Variants in PSD3 observed in about 807,000 individuals in gnomAD.
The protein encoded by PSD3 is PH and SEC7 domain-containing protein 3.
In PSD3, 49 loss-of-function variants were observed where a neutral mutation model predicts 105.5. The ratio of observed to expected loss-of-function variants is 0.46; its 90% CI spans 0.37 to 0.59. The LOEUF is 0.59. Among genes scored for constraint, PSD3 ranks in the 20% least tolerant of loss-of-function variants. PSD3 has a pLI of 0.00. For synonymous variants in PSD3, 557 were observed against 457.8 expected (o/e 1.22, Z -2.77); for missense variants, 1,561 against 1,263.8 (o/e 1.24, Z -3.57).
chr8:18,838,562 G>C (rs1814329155), intron 4 of PSD3, among the ~76,000 whole-genome samples: 1 of 152,058 alleles, frequency 6.6e-6, no homozygotes, highest in Non-Finnish European at 1.5e-5. Flanking sequence ...AGCACTTTGG[G>C]AGGCCGAGGC....
chr8:18,596,190 A>C (rs941566585), intron 12 of PSD3, among the ~76,000 whole-genome samples: 1 of 152,102 alleles, frequency 6.6e-6, no homozygotes, highest in African/African-American at 2.4e-5. Flanking sequence ...GAAATTGGAC[A>C]ATAATTTGAG....
intron 1 of PSD3, among the ~76,000 whole-genome samples, chr8:18,971,264 C>A (rs932453144): frequency 1.4e-4 from 21 of 152,128 alleles, no homozygotes; most frequent in Admixed American, 6.5e-5. Context: ...GGCCGGACAC[C>A]CAGGCTCAGG....
chr8:19,072,634 C>G (rs2129477989), intron 1 of PSD3, among the ~76,000 whole-genome samples: 1 of 152,292 alleles, frequency 6.6e-6, no homozygotes, highest in African/African-American at 2.4e-5. Context: ...CCCAGCTGCT[C>G]AAATGCAACC....
chr8:19,013,060 G>A (rs1469654570), intron 1 of PSD3, among the ~76,000 whole-genome samples: 2 of 152,048 alleles, frequency 1.3e-5, no homozygotes, highest in African/African-American at 2.4e-5. Flanking sequence ...GCTGAAAACG[G>A]CGGATAAAGT....
At chr8:18,538,116 A>G (rs867328313) in intron 15 of PSD3, among the ~76,000 whole-genome samples, 1 of 152,238 alleles carries the variant, frequency 6.6e-6, no homozygotes, top group South Asian at 2.1e-4. Context: ...AGCCATGTTG[A>G]CATGATGAGC....
intron 1 of PSD3, among the ~76,000 whole-genome samples, chr8:18,955,585 C>T (rs1353992060): frequency 1.3e-5 from 2 of 151,886 alleles, no homozygotes; most frequent in African/African-American, 2.4e-5. Flanking sequence ...TCTGATTATT[C>T]GTTTATGAAA....
At chr8:19,065,200 AG>A (rs569317639) in intron 1 of PSD3, among the ~76,000 whole-genome samples, 3 of 152,134 alleles carry the variant, frequency 2.0e-5, no homozygotes, top group African/African-American at 7.2e-5. Context: ...TAAAACTCTG[AG>A]GGGAAAAAAC....
intron 12 of PSD3, among the ~76,000 whole-genome samples, chr8:18,581,662 T>G (rs907712243): frequency 6.6e-6 from 1 of 152,166 alleles, no homozygotes; most frequent in Middle Eastern, 3.2e-3. Context: ...ATACACTTGG[T>G]TTACATCATG....
chr8:19,043,886 A>G (rs1422910269), intron 1 of PSD3, among the ~76,000 whole-genome samples: 1 of 152,192 alleles, frequency 6.6e-6, no homozygotes, highest in Non-Finnish European at 1.5e-5. Context: ...TAGCAGCACA[A>G]AATAGACTAA....
chr8:18,811,390 A>G (rs752000951), intron 4 of PSD3, among the ~76,000 whole-genome samples: 2 of 152,208 alleles, frequency 1.3e-5, no homozygotes, highest in Non-Finnish European at 2.9e-5. Context: ...ACTGTGCCAC[A>G]TATTTTAGGT....
rs182476321 is a variant in PSD3, at chr8:18,723,585, A to G, written c.2172+41864T>C. On this transcript the variant is annotated intron_variant, in intron 9 of 15. Transcript: ENST00000327040. ...TTCCCTTTCTATTTTGAGGTGGGGG[A>G]AAAAAACCCTGTTCCTTCTGTATCT... Among the ~76,000 whole-genome samples the G allele has an allele frequency of 1.6e-4, 24 of 152,176 alleles. No homozygotes were observed. The East Asian group carries it at 3.7e-3, about 24-fold the overall frequency.
chr8:18,659,546 A>T (rs1809171253), intron 9 of PSD3, among the ~76,000 whole-genome samples: 1 of 152,256 alleles, frequency 6.6e-6, no homozygotes, highest in African/African-American at 2.4e-5. Context: ...AACTAAGTAC[A>T]TTGTCTCCTC....
intron 4 of PSD3, among the ~76,000 whole-genome samples, chr8:18,838,894 A>G (rs1451254557): frequency 6.6e-6 from 1 of 151,426 alleles, no homozygotes. Context: ...AAGCTAGTAA[A>G]CTGCATTTCA....
chr8:18,774,552 C>T (rs6586763), intron 8 of PSD3: 77,795 of 317,136 alleles, frequency 0.25, 10,157 homozygotes, highest in South Asian at 0.29. Context: ...AATGTTCATG[C>T]CTAGACCTCT....
In PSD3 at chr8:18,601,939, C is replaced by T. The variant is rs1804470142; in HGVS notation, c.2411-1505G>A. Among the ~76,000 whole-genome samples, 4 of 152,238 alleles carry T rather than the reference C, an allele frequency of 2.6e-5. No homozygotes were observed. The South Asian group carries it at 8.3e-4, about 32-fold the overall frequency. On this transcript the variant is annotated intron_variant, in intron 11 of 15. Transcript: ENST00000327040. ...TGAAAGCAGACCAGCTGGTTTCCAG[C>T]CCCTTCACAATCTCACCTGGTCTGA...
intron 1 of PSD3, among the ~76,000 whole-genome samples, chr8:19,047,783 GGAC>G (rs1432447210): frequency 3.3e-5 from 5 of 152,076 alleles, no homozygotes; most frequent in Admixed American, 3.3e-4. Flanking sequence ...ATTAGAACAA[GGAC>G]GACAAGGTGT....
In PSD3 at chr8:18,798,210, C is replaced by T. The variant is rs530129970; in HGVS notation, c.2082+1085G>A. ...CAAGAATGCTTCCTGAAAGTATTTT[C>T]TTTTCATCTGTATTATCTCTGGACA... is the stretch of plus-strand genomic sequence containing the variant. On this transcript the variant is annotated intron_variant, in intron 8 of 15. Transcript: ENST00000327040. Among the ~76,000 whole-genome samples, 28 of 152,232 alleles carry T rather than the reference C, an allele frequency of 1.8e-4. No individual in the cohort carries two copies. The East Asian group carries it at 4.1e-3, about 22-fold the overall frequency.
chr8:19,036,266 G>A (rs1280608978), intron 1 of PSD3, among the ~76,000 whole-genome samples: 1 of 152,078 alleles, frequency 6.6e-6, no homozygotes, highest in Admixed American at 6.6e-5. Flanking sequence ...AACTTCCCCA[G>A]TGGCCCCCAA....
chr8:18,684,861 A>G (rs2130966158), intron 9 of PSD3, among the ~76,000 whole-genome samples: 1 of 152,352 alleles, frequency 6.6e-6, no homozygotes, highest in South Asian at 2.1e-4. Context: ...GTCAGTGTAC[A>G]CAGCAATGTG....
Sources: gnomAD v4.1 joint callset for allele counts (sites outside exome capture counted in the v4.1 genomes callset) on GRCh38, gnomAD v4.1.1 for gene constraint, MANE v1.5 for transcripts, NCBI Gene and HGNC (gene_info 2026-07-23, HGNC 2026-07-21) for gene names.